ADGRV1: variants seen among roughly 807,000 people sequenced by gnomAD.
ADGRV1 encodes G-protein coupled receptor 98.
In ADGRV1, 359 loss-of-function variants were observed where a neutral mutation model predicts 596.2. The ratio of observed to expected loss-of-function variants is 0.60; its 90% CI spans 0.55 to 0.66. The LOEUF (loss-of-function observed/expected upper bound fraction) is 0.66. Ranked by LOEUF, ADGRV1 falls within the 30% of genes least tolerant of loss-of-function variation. The pLI, the probability that ADGRV1 is intolerant of heterozygous loss-of-function variation, is 0.00. For missense variants in ADGRV1, 7,274 were observed against 7,575.6 expected (o/e 0.96, Z 1.48); for synonymous variants, 2,681 against 2,679.2 (o/e 1.00, Z -0.02).
At chr5:90,642,523 A>T in intron 11 of ADGRV1, 113 bp from the exon 12 acceptor site, 1 of 1,132,974 alleles carries the variant, frequency 8.8e-7, no homozygotes, top group Non-Finnish European at 1.3e-6. Context: ...CTAATTCCTC[A>T]TAGCCTTCCT....
At chr5:90,776,100 A>G (rs889719640) in intron 60 of ADGRV1, among the ~76,000 whole-genome samples, 1 of 152,212 alleles carries the variant, frequency 6.6e-6, no homozygotes, top group African/African-American at 2.4e-5. Context: ...GCCAGTTGAC[A>G]TAGCTATGTA....
At position 90,587,362 on chromosome 5, in the gene ADGRV1, G is replaced by T. The variant is rs560691175; in HGVS notation, c.23-27473G>T. 1.6e-4 allele frequency among the ~76,000 whole-genome samples: 24 copies of T among 152,030 alleles called. 2 individuals are homozygous for T. The South Asian group carries it at 5.0e-3, about 32-fold the overall frequency. ...AATGATGGTTAGAGGCAAAAGTCTG[G>T]GCCCTTATGATCCTTATTGTTATTG... On this transcript the variant is annotated intron_variant, in intron 1 of 89. Coordinates refer to ENST00000405460, the MANE Select transcript of ADGRV1 (RefSeq NM_032119.4).
At chr5:90,777,542 C>G (rs559914893) in intron 61 of ADGRV1, among the ~76,000 whole-genome samples, 1 of 152,094 alleles carries the variant, frequency 6.6e-6, no homozygotes, top group South Asian at 2.1e-4. Context: ...TCAGCATGCC[C>G]TTATATGAAG....
At chr5:91,102,101 A>G (rs963525988) in intron 86 of ADGRV1, 118 bp from the exon 87 acceptor site, 7 of 893,706 alleles carry the variant, frequency 7.8e-6, no homozygotes, top group Non-Finnish European at 1.1e-5. Context: ...TGGGATTTCC[A>G]AGGTTGTTCT....
intron 75 of ADGRV1, 101 bp from the exon 76 acceptor site, chr5:90,823,323 TG>T: frequency 8.4e-7 from 1 of 1,185,100 alleles, no homozygotes; most frequent in Non-Finnish European, 1.2e-6. Flanking sequence ...AGGTACCATT[TG>T]GTATACTTTG....
intron 1 of ADGRV1, 98 bp from the exon 2 acceptor site, chr5:90,614,737 C>A: frequency 2.2e-6 from 2 of 913,188 alleles, no homozygotes; most frequent in Non-Finnish European, 3.5e-6. Context: ...TGTTTGCTGT[C>A]TAACTCTTCA....
intron 44 of ADGRV1, among the ~76,000 whole-genome samples, chr5:90,720,689 A>AT (rs35432240): frequency 1.3e-5 from 2 of 151,986 alleles, no homozygotes; most frequent in South Asian, 4.1e-4. Context: ...TTCCTGACTC[A>AT]TTTTTTTCCT....
chr5:90,997,809 C>T (rs1056054113), intron 85 of ADGRV1, among the ~76,000 whole-genome samples: 21 of 152,088 alleles, frequency 1.4e-4, no homozygotes, highest in African/African-American at 4.6e-4. Context: ...TGAAGTTTTC[C>T]ATCTGTGCAA....
chr5:91,039,363 A>G (rs1303580975), intron 85 of ADGRV1, among the ~76,000 whole-genome samples: 2 of 152,178 alleles, frequency 1.3e-5, no homozygotes, highest in Non-Finnish European at 2.9e-5. Flanking sequence ...AGTCACTGGT[A>G]GCTCCAGGCC....
chr5:90,600,871 T>C (rs886787022), intron 1 of ADGRV1, among the ~76,000 whole-genome samples: 5 of 152,202 alleles, frequency 3.3e-5, no homozygotes, highest in African/African-American at 1.2e-4. Context: ...AAAGACCTAC[T>C]TCTTTTTAAA....
chr5:90,956,427 A>G (rs527528192), intron 83 of ADGRV1, among the ~76,000 whole-genome samples: 1 of 152,346 alleles, frequency 6.6e-6, no homozygotes, highest in East Asian at 1.9e-4. Context: ...TCAGTAAAGT[A>G]GTAGAATACA....
intron 85 of ADGRV1, among the ~76,000 whole-genome samples, chr5:91,026,548 T>C (rs1477596836): frequency 1.3e-5 from 2 of 152,118 alleles, no homozygotes; most frequent in African/African-American, 4.8e-5. Context: ...TGACTTTGGA[T>C]TGGTACCTCC....
chr5:90,810,247 T>A lies in ADGRV1; in HGVS notation c.14987T>A (p.Val4996Asp). Residue 4996 changes from valine (V) to aspartate (D), a missense_variant, in exon 74 of 90, where the codon GTT (valine) becomes GAT (aspartate). Transcript: ENST00000405460. ...GGAQLRSGFIVAEIEPMGVFQ... is the reference protein window; with the variant it reads ...GGAQLRSGFIDAEIEPMGVFQ... ...TTTTTTCCCAGATCAGGTTTCATTGTTGCTGAAATTGAACCAATGGGCGTC... is the reference window on the plus strand; with the variant it reads ...TTTTTTCCCAGATCAGGTTTCATTGATGCTGAAATTGAACCAATGGGCGTC... The A allele has an allele frequency of 6.4e-7, 1 of 1,568,178 alleles. No homozygotes were observed. The highest frequency in any genetic ancestry group is 8.6e-7 in the Non-Finnish European group (1 of 1,156,560).
At chr5:90,909,376 T>A (rs6858917) in intron 83 of ADGRV1, among the ~76,000 whole-genome samples, 2 of 151,880 alleles carry the variant, frequency 1.3e-5, no homozygotes, top group African/African-American at 2.4e-5. Flanking sequence ...TCTACCTTTC[T>A]TGTCTGCCCT....
Position 90,692,797 on chromosome 5 carries a change from T to C in ADGRV1, c.7133+11T>C, listed in dbSNP as rs747404170. The C allele has an allele frequency of 1.6e-5, 25 of 1,571,464 alleles. No individual in the cohort carries two copies. In the South Asian group the frequency reaches 2.9e-4, roughly 18 times the overall value. On this transcript the variant is annotated intron_variant, in intron 32 of 89. Transcript: ENST00000405460. Reference sequence around the variant, plus strand: ...AACTGTCAGGCGAAGGTATATGAGATAGCTACTTGCCTCTGTGGGAGTGAT... The same window carrying C: ...AACTGTCAGGCGAAGGTATATGAGACAGCTACTTGCCTCTGTGGGAGTGAT...
In ADGRV1 at chr5:91,150,118, A is replaced by G; in HGVS notation, c.18521A>G (p.His6174Arg). 6.3e-7 allele frequency: 1 copy of G among 1,584,686 alleles called. No individual in the cohort carries two copies. Among genetic ancestry groups the G allele is most frequent in the African/African-American group, 1.4e-5 (1 of 73,996 alleles). ...AGTTACACTGTGGAAATGAATGGGC[A>G]TCCTGGACCCAGCACAGCCTTTTTC... ...KASYTVEMNG[H>R]PGPSTAFFTP... The change falls in exon 88 of 90, where the codon CAT (histidine) becomes CGT (arginine). Residue 6174 changes from histidine to arginine, a missense_variant. Transcript: ENST00000405460.
At chr5:91,012,591 A>G (rs1371572923) in intron 85 of ADGRV1, among the ~76,000 whole-genome samples, 1 of 151,796 alleles carries the variant, frequency 6.6e-6, no homozygotes, top group Non-Finnish European at 1.5e-5. Flanking sequence ...TTTATTTCCT[A>G]TGTGTCAAGT....
At chr5:91,130,543 A>AG (rs1794129077) in intron 87 of ADGRV1, among the ~76,000 whole-genome samples, 1 of 151,002 alleles carries the variant, frequency 6.6e-6, no homozygotes, top group East Asian at 1.9e-4. Flanking sequence ...AAAAAAAAAA[A>AG]GTCTTGATGT....
chr5:91,142,841 C>T (rs1342456276), intron 87 of ADGRV1, among the ~76,000 whole-genome samples: 2 of 152,220 alleles, frequency 1.3e-5, no homozygotes, highest in Non-Finnish European at 2.9e-5. Context: ...CATAGTGTTA[C>T]GGGATCCTTG....
Sources: gnomAD v4.1 joint callset for allele counts (sites outside exome capture counted in the v4.1 genomes callset) on GRCh38, gnomAD v4.1.1 for gene constraint, MANE v1.5 for transcripts, NCBI Gene and HGNC (gene_info 2026-07-23, HGNC 2026-07-21) for gene names.